Variants in ANK2 observed in about 807,000 individuals in gnomAD.
ANK2 encodes ankyrin 2.
ANK2 carries 83 observed loss-of-function variants against 360.5 expected under a neutral mutation model. The ratio of observed to expected loss-of-function variants is 0.23; its 90% confidence interval spans 0.19 to 0.28. The LOEUF (loss-of-function observed/expected upper bound fraction) is 0.28, where lower values mean the gene tolerates loss of function less well. Among genes scored for constraint, ANK2 ranks in the 10% least tolerant of loss-of-function variants. The probability of loss-of-function intolerance (pLI) is 1.00; values close to 1 mark genes in which losing one functional copy is unlikely to be tolerated. For synonymous variants in ANK2, 1,740 were observed against 1,759.5 expected (o/e 0.99, Z 0.28); for missense variants, 4,201 against 4,795.7 (o/e 0.88, Z 3.66).
chr4:112,821,908 C>T (rs2057162001), intron 1 of ANK2, among the ~76,000 whole-genome samples: 1 of 151,814 alleles, frequency 6.6e-6, no homozygotes, highest in African/African-American at 2.4e-5. Context: ...GCTGGGACCA[C>T]AGGTGTGTGC....
chr4:113,258,518 C>G, intron 13 of ANK2, 107 bp downstream of exon 13: 1 of 1,117,458 alleles, frequency 8.9e-7, no homozygotes, highest in Non-Finnish European at 1.4e-6. Context: ...AGTAAGCAAC[C>G]AAGCTTTGAG....
At chr4:113,210,595 C>T (rs546912480) in intron 4 of ANK2, among the ~76,000 whole-genome samples, 16 of 152,272 alleles carry the variant, frequency 1.1e-4, no homozygotes, top group Admixed American at 9.8e-4. Context: ...GCCTTGTGAC[C>T]TTGGACAAGT....
the ANK2 span, among the ~76,000 whole-genome samples, chr4:112,731,293 C>CAAAA: frequency 1.5e-5 from 1 of 64,996 alleles, no homozygotes. Context: ...GATGTAGTCT[C>CAAAA]AAAAAAAAAA....
the ANK2 span, among the ~76,000 whole-genome samples, chr4:112,796,632 G>A: frequency 6.7e-6 from 1 of 150,156 alleles, no homozygotes; most frequent in Non-Finnish European, 1.5e-5. Flanking sequence ...CTACAGACAT[G>A]AGCCACCATG....
rs144490291 is a variant in ANK2 at position 113,146,513 on chromosome 4, T to C, written c.85-27903T>C. ...GTGAAGAGGTCCTTAAATGCTTTTC[T>C]TGTTATGATAGTAATAGTTTGTAAA... On this transcript the variant is annotated intron_variant, in intron 1 of 45. Coordinates refer to ENST00000357077, the MANE Select transcript of ANK2 (RefSeq NM_001148.6). 2.4e-4 allele frequency among the ~76,000 whole-genome samples: 36 copies of C among 152,334 alleles called. 1 individual carries two copies. The East Asian group carries it at 6.7e-3, about 29-fold the overall frequency.
At chr4:113,261,801 C>T (rs2053079198) in intron 13 of ANK2, among the ~76,000 whole-genome samples, 1 of 152,004 alleles carries the variant, frequency 6.6e-6, no homozygotes, top group South Asian at 2.1e-4. Context: ...ATAAAAAAAA[C>T]TTAAGTATAA....
At chr4:112,831,853 C>T (rs976977386) in intron 1 of ANK2, among the ~76,000 whole-genome samples, 1 of 152,162 alleles carries the variant, frequency 6.6e-6, no homozygotes, top group African/African-American at 2.4e-5. Flanking sequence ...GGACGTGCCA[C>T]CTTTATGAAC....
chr4:112,791,056 A>T, the ANK2 span, among the ~76,000 whole-genome samples: 1 of 152,212 alleles, frequency 6.6e-6, no homozygotes, highest in African/African-American at 2.4e-5. Context: ...AATTCTATTG[A>T]CAAGAGGAGT....
In ANK2 at chr4:113,373,113, C is replaced by T. The variant is rs1363141433; in HGVS notation, c.11634C>T (p.Pro3878=). The change falls in exon 44 of 46, where the codon CCC becomes CCT. Residue 3878 remains proline (P), a synonymous_variant. Transcript: ENST00000357077. The stretch of plus-strand genomic sequence containing the variant: ...AGGGAGACGATATGCCTGAAATACC[C>T]CCAGAAACAGTCACAGAAGAAGAAT... ...FEKGDDMPEI[P]PETVTEEEYI... 1 of 1,614,084 alleles carries T rather than the reference C, an allele frequency of 6.2e-7. No individual in the cohort carries two copies.
chr4:113,021,530 C>CCCCCCACACA (rs1554056650), intron 2 of ANK2, among the ~76,000 whole-genome samples: 4 of 13,094 alleles, frequency 3.1e-4, no homozygotes, highest in African/African-American at 9.2e-4. Context: ...ACACACACAC[C>CCCCCCACACA]CACACACAAA....
intron 2 of ANK2, among the ~76,000 whole-genome samples, chr4:113,000,034 G>C (rs532893258): frequency 1.3e-5 from 2 of 152,128 alleles, no homozygotes; most frequent in African/African-American, 4.8e-5. Context: ...TATTTTATGT[G>C]CATGGGAGTT....
chr4:112,992,204 C>T (rs550586188), intron 2 of ANK2, among the ~76,000 whole-genome samples: 2 of 151,388 alleles, frequency 1.3e-5, no homozygotes, highest in East Asian at 3.9e-4. Context: ...AGTACAGTGG[C>T]GTGATCTCAG....
At chr4:113,192,360 C>A (rs1425470345) in intron 2 of ANK2, among the ~76,000 whole-genome samples, 1 of 144,180 alleles carries the variant, frequency 6.9e-6, no homozygotes, top group East Asian at 2.2e-4. Context: ...CACACACACA[C>A]AGACGTGTGT....
At chr4:113,065,804 C>T (rs973132396) in intron 1 of ANK2, among the ~76,000 whole-genome samples, 26 of 152,138 alleles carry the variant, frequency 1.7e-4, no homozygotes, top group African/African-American at 5.8e-4. Flanking sequence ...CTATCTACAA[C>T]GTTATTACAC....
At chr4:113,205,456 A>G (rs2098933537) in intron 4 of ANK2, among the ~76,000 whole-genome samples, 1 of 152,064 alleles carries the variant, frequency 6.6e-6, no homozygotes, top group African/African-American at 2.4e-5. Flanking sequence ...CATTTTTGAT[A>G]TCTCACTGAA....
chr4:113,339,175 T>A (rs772478002), intron 31 of ANK2, 51 bp from the exon 32 acceptor site: 45 of 1,437,138 alleles, frequency 3.1e-5, no homozygotes, highest in Non-Finnish European at 3.8e-5. Context: ...TATTTTAGAA[T>A]CTAGAGTCTG....
rs1453296737 is a variant in ANK2 at position 113,004,208 on chromosome 4, T to G, written c.21+99694T>G. On this transcript the variant is annotated intron_variant, in intron 2 of 30. Coordinates refer to the ANK2 transcript ENST00000503271. The stretch of plus-strand genomic sequence containing the variant: ...TCTTCGATAATAAGTTAACCTTAGC[T>G]TACTGTAACTTTTTGACTTTATAAA... Among the ~76,000 whole-genome samples the G allele has an allele frequency of 2.6e-5, 4 of 152,214 alleles. No homozygotes were observed. In the East Asian group the frequency reaches 7.7e-4, roughly 29 times the overall value.
In ANK2 at chr4:113,258,192, C is replaced by CTCCT. The variant is rs769404121; in HGVS notation, c.1287+49_1287+52dup. 1.5e-5 allele frequency: 23 copies of CTCCT among 1,577,874 alleles called. No individual in the cohort carries two copies. The South Asian group carries it at 2.4e-4, about 17-fold the overall frequency. ...TAGTCACAAAGCATTCCTTCTCTTA[C>CTCCT]TCCTTCCTCCCTTTCCTTTTTCTCA... On this transcript the variant is annotated intron_variant, in intron 12 of 45. Transcript: ENST00000357077.
chr4:112,977,491 C>T (rs1192858084), intron 2 of ANK2, among the ~76,000 whole-genome samples: 1 of 151,412 alleles, frequency 6.6e-6, no homozygotes, highest in Non-Finnish European at 1.5e-5. Context: ...TTCTAATATC[C>T]ACCTTTACTC....
Sources: gnomAD v4.1 joint callset for allele counts (sites outside exome capture counted in the v4.1 genomes callset) on GRCh38, gnomAD v4.1.1 for gene constraint, MANE v1.5 for transcripts, NCBI Gene and HGNC (gene_info 2026-07-23, HGNC 2026-07-21) for gene names.